SOX6: variants seen among roughly 807,000 people sequenced by gnomAD.
SOX6 encodes SRY-box transcription factor 6, also known as transcription factor SOX-6.
Under a neutral mutation model 97.8 loss-of-function variants are expected in SOX6, and 11 were observed. That is an observed-to-expected ratio of 0.11 (90% confidence interval 0.07 to 0.19). The LOEUF is 0.19. Ranked by LOEUF, SOX6 falls within the 10% of genes least tolerant of loss-of-function variation. The probability of loss-of-function intolerance (pLI) is 1.00; values close to 1 mark genes in which losing one functional copy is unlikely to be tolerated. For missense variants in SOX6, 810 were observed against 1,039.5 expected (o/e 0.78, Z 3.04); for synonymous variants, 360 against 371.4 (o/e 0.97, Z 0.35).
intron 1 of SOX6, among the ~76,000 whole-genome samples, chr11:16,472,503 C>T (rs752890630): frequency 3.3e-5 from 5 of 152,224 alleles, no homozygotes; most frequent in African/African-American, 1.2e-4. Context: ...AAATTAAAGG[C>T]TTATGTTTAA....
chr11:16,413,297 C>G (rs1016982958), intron 1 of SOX6, among the ~76,000 whole-genome samples: 1 of 151,994 alleles, frequency 6.6e-6, no homozygotes, highest in Non-Finnish European at 1.5e-5. Flanking sequence ...AGACAGCTAC[C>G]CCAAGTAATC....
chr11:16,367,049 T>C (rs1164858405), intron 1 of SOX6, among the ~76,000 whole-genome samples: 1 of 152,212 alleles, frequency 6.6e-6, no homozygotes, highest in African/African-American at 2.4e-5. Context: ...AACTAGTTCA[T>C]CCAAAGTGAA....
intron 2 of SOX6, among the ~76,000 whole-genome samples, chr11:16,331,388 A>G (rs1297089280): frequency 6.6e-6 from 1 of 152,158 alleles, no homozygotes; most frequent in Non-Finnish European, 1.5e-5. Context: ...TGCCTAAAGA[A>G]GAGAGTCAAG....
intron 4 of SOX6, among the ~76,000 whole-genome samples, chr11:16,552,853 T>G (rs1337827442): frequency 1.3e-5 from 2 of 152,186 alleles, no homozygotes; most frequent in African/African-American, 4.8e-5. Flanking sequence ...TAAGTTTGAT[T>G]TGGTAAATAT....
intron 3 of SOX6, among the ~76,000 whole-genome samples, chr11:16,640,557 G>C (rs939904765): frequency 6.6e-6 from 1 of 152,092 alleles, no homozygotes. Flanking sequence ...TTTTTGGTTG[G>C]TAAGCTATTA....
intron 1 of SOX6, among the ~76,000 whole-genome samples, chr11:16,401,740 A>G (rs767849169): frequency 8.6e-5 from 13 of 151,530 alleles, no homozygotes; most frequent in African/African-American, 1.2e-4. Context: ...ACGGCTTCTC[A>G]AAAGAATAAA....
At chr11:16,410,742 G>C (rs1459116069) in intron 1 of SOX6, among the ~76,000 whole-genome samples, 1 of 115,194 alleles carries the variant, frequency 8.7e-6, no homozygotes, top group Non-Finnish European at 1.7e-5. Flanking sequence ...CTGGGCAACA[G>C]AGCAAGAACC....
At chr11:16,569,586 C>T (rs1026387991) in intron 4 of SOX6, among the ~76,000 whole-genome samples, 1 of 152,084 alleles carries the variant, frequency 6.6e-6, no homozygotes, top group African/African-American at 2.4e-5. Flanking sequence ...GTAAGTGATA[C>T]ATTTTGTTTC....
At chr11:16,615,735 A>T (rs1003683933) in intron 3 of SOX6, among the ~76,000 whole-genome samples, 1 of 152,224 alleles carries the variant, frequency 6.6e-6, no homozygotes, top group Non-Finnish European at 1.5e-5. Flanking sequence ...ATCTGAAAAT[A>T]TATCTATTTA....
intron 15 of SOX6, among the ~76,000 whole-genome samples, chr11:15,976,013 T>C (rs866629932): frequency 5.9e-5 from 9 of 152,178 alleles, no homozygotes; most frequent in Admixed American, 1.3e-4. Context: ...AGCCTAGTCC[T>C]GGGAGTGGAG....
chr11:16,676,639 G>A (rs1334179396), intron 3 of SOX6, among the ~76,000 whole-genome samples: 1 of 152,026 alleles, frequency 6.6e-6, no homozygotes, highest in Non-Finnish European at 1.5e-5. Flanking sequence ...GTCACATGTA[G>A]CTACTGAATT....
chr11:16,466,788 G>A lies in SOX6; in HGVS notation c.-5+9527C>T, dbSNP rs569574212. ...TACTAAAAATACAAAAAAATTAGCC[G>A]GGCGTAGTGGCGGGCGCCTGTAGTC... On this transcript the variant is annotated intron_variant, in intron 1 of 15. Coordinates refer to the SOX6 transcript ENST00000396356. Among the ~76,000 whole-genome samples, 1,233 of 150,342 alleles carry A rather than the reference G, an allele frequency of 8.2e-3. 14 individuals carry two copies. Among genetic ancestry groups the A allele is most frequent in the African/African-American group, 0.026 (1,082 of 41,218 alleles).
chr11:16,108,822 C>G (rs983460343), intron 7 of SOX6, among the ~76,000 whole-genome samples: 1 of 152,106 alleles, frequency 6.6e-6, no homozygotes, highest in Non-Finnish European at 1.5e-5. Context: ...AGGCACAGGT[C>G]AAATCATAGG....
chr11:16,113,404 A>T (rs969834178), intron 6 of SOX6, among the ~76,000 whole-genome samples: 75 of 152,312 alleles, frequency 4.9e-4, no homozygotes, highest in African/African-American at 1.8e-3. Context: ...AGGTAAGCCC[A>T]AGTTTCGTAC....
intron 13 of SOX6, among the ~76,000 whole-genome samples, chr11:15,995,286 C>T (rs528199583): frequency 7.2e-5 from 11 of 152,222 alleles, no homozygotes; most frequent in African/African-American, 2.6e-4. Flanking sequence ...GGAGCAACTC[C>T]TTAGGAATAA....
intron 3 of SOX6, among the ~76,000 whole-genome samples, chr11:16,686,985 C>A (rs138885866): frequency 6.6e-6 from 1 of 151,598 alleles, no homozygotes; most frequent in Non-Finnish European, 1.5e-5. Context: ...ATTAGCCAGG[C>A]GTGGTGGCAC....
intron 9 of SOX6, among the ~76,000 whole-genome samples, chr11:16,067,671 T>G (rs1848125157): frequency 6.6e-6 from 1 of 152,166 alleles, no homozygotes; most frequent in Non-Finnish European, 1.5e-5. Flanking sequence ...ATAGTGTAAC[T>G]GGATTGTTTG....
intron 6 of SOX6, among the ~76,000 whole-genome samples, chr11:16,175,499 T>C (rs1198180598): frequency 6.6e-6 from 1 of 151,898 alleles, no homozygotes; most frequent in African/African-American, 2.4e-5. Flanking sequence ...TTATCTCCAA[T>C]ACCTGCACTG....
In SOX6 at chr11:16,018,250, G is replaced by C. The variant is rs562996937; in HGVS notation, c.1624-3200C>G. The stretch of plus-strand genomic sequence containing the variant: ...TGACGGGGCAGCCTCACTGATGACA[G>C]ATAGACTGCTGTATTATTATCCCTA... On this transcript the variant is annotated intron_variant, in intron 12 of 15. Transcript: ENST00000683767. Among the ~76,000 whole-genome samples, 9 of 152,198 alleles carry C rather than the reference G, an allele frequency of 5.9e-5. No individual in the cohort carries two copies. The East Asian group carries it at 1.7e-3, about 29-fold the overall frequency.
Sources: gnomAD v4.1 joint callset for allele counts (sites outside exome capture counted in the v4.1 genomes callset) on GRCh38, gnomAD v4.1.1 for gene constraint, MANE v1.5 for transcripts, NCBI Gene and HGNC (gene_info 2026-07-23, HGNC 2026-07-21) for gene names.